The following STON2 variants were observed in gnomAD, a reference collection of about 807,000 sequenced individuals.
STON2 encodes the protein stonin 2.
A neutral mutation model predicts 65.7 loss-of-function variants in STON2; 29 were observed. The observed-to-expected ratio is 0.44, with a 90% confidence interval of 0.33 to 0.60. The LOEUF (loss-of-function observed/expected upper bound fraction) is 0.60. Among genes scored for constraint, STON2 ranks in the 20% least tolerant of loss-of-function variants. The pLI is 0.03. For missense variants in STON2, 1,054 were observed against 1,118.1 expected (o/e 0.94, Z 0.82); for synonymous variants, 404 against 414.2 (o/e 0.98, Z 0.30).
chr14:81,297,035 C>A (rs1209732295), intron 5 of STON2, among the ~76,000 whole-genome samples: 1 of 152,156 alleles, frequency 6.6e-6, no homozygotes, highest in African/African-American at 2.4e-5. Context: ...GATTCTCTAA[C>A]CCTACAGGGC....
At chr14:81,367,558 A>G (rs1318192111) in intron 4 of STON2, among the ~76,000 whole-genome samples, 2 of 152,112 alleles carry the variant, frequency 1.3e-5, no homozygotes, top group African/African-American at 2.4e-5. Flanking sequence ...TCATTCTCCT[A>G]AACTTTGTCT....
intron 4 of STON2, among the ~76,000 whole-genome samples, chr14:81,358,349 T>C (rs1898343085): frequency 6.6e-6 from 1 of 152,166 alleles, no homozygotes; most frequent in Admixed American, 6.5e-5. Context: ...GGCGATCTGA[T>C]GTATAAGATG....
intron 2 of STON2, chr14:81,413,046 C>T (rs1375621411): frequency 1.0e-6 from 1 of 998,768 alleles, no homozygotes; most frequent in African/African-American, 1.9e-5. Flanking sequence ...GAGTGCGCTC[C>T]TCAGGCGCTG....
At chr14:81,381,893 T>C (rs1899537938) in intron 3 of STON2, among the ~76,000 whole-genome samples, 1 of 152,068 alleles carries the variant, frequency 6.6e-6, no homozygotes, top group Admixed American at 6.6e-5. Flanking sequence ...AAGACAAAAA[T>C]AATGCTCATG....
intron 4 of STON2, among the ~76,000 whole-genome samples, chr14:81,362,576 G>T (rs1296736316): frequency 1.3e-5 from 2 of 152,094 alleles, no homozygotes; most frequent in Non-Finnish European, 2.9e-5. Flanking sequence ...ATATTACATG[G>T]TGTGATGAAT....
At chr14:81,321,894 G>A (rs150957404) in intron 5 of STON2, among the ~76,000 whole-genome samples, 2 of 152,264 alleles carry the variant, frequency 1.3e-5, no homozygotes, top group African/African-American at 4.8e-5. Context: ...GGACCATACA[G>A]GCGATCAAGG....
At position 81,305,353 on chromosome 14, in the gene STON2, AC is replaced by A. The variant is rs1896130699; in HGVS notation, c.742+18663del. On this transcript the variant is annotated intron_variant, in intron 5 of 7. Coordinates refer to ENST00000614646, the MANE Select transcript of STON2 (RefSeq NM_001394390.1). The stretch of plus-strand genomic sequence containing the variant: ...TGTGTATATGTGTTCTGGTTGTTCT[AC>A]ATTTTTACCAACACTGGATACTGCC... 2.6e-5 allele frequency among the ~76,000 whole-genome samples: 4 copies of A among 152,168 alleles called. No individual in the cohort carries two copies. In the South Asian group the frequency reaches 8.3e-4, roughly 31 times the overall value.
intron 5 of STON2, among the ~76,000 whole-genome samples, chr14:81,312,834 C>CGTAATCATA (rs764201554): frequency 5.3e-5 from 8 of 152,222 alleles, no homozygotes; most frequent in Non-Finnish European, 1.0e-4. Flanking sequence ...ATTCAGACCA[C>CGTAATCATA]TTTTTGTATG....
In STON2 at chr14:81,267,766, G is replaced by A. The variant is rs1175522141; in HGVS notation, c.*648C>T. On this transcript the variant is annotated 3_prime_UTR_variant, in exon 8 of 8. Transcript: ENST00000614646. ...TGTGCCTTTTTCCATTGTCTATTGT[G>A]ACTCAGGATAGCAAATCCTGTGACT... 2 of 985,218 alleles carry A rather than the reference G, an allele frequency of 2.0e-6. No individual in the cohort carries two copies. The highest frequency in any genetic ancestry group is 2.4e-6 in the Non-Finnish European group (2 of 829,920). 61.0% of individuals were successfully genotyped at this position (985,218 alleles called of 1,614,324 possible).
chr14:81,407,986 G>A (rs1221037154), intron 2 of STON2, among the ~76,000 whole-genome samples: 1 of 152,166 alleles, frequency 6.6e-6, no homozygotes, highest in Non-Finnish European at 1.5e-5. Context: ...AGAACAAAGA[G>A]AAGACTGGAA....
intron 2 of STON2, among the ~76,000 whole-genome samples, chr14:81,411,895 T>TTAGGACATGATCATCA: frequency 1.0e-5 from 1 of 98,046 alleles, no homozygotes; most frequent in South Asian, 3.7e-4. Context: ...ATACATAGAG[T>TTAGGACATGATCATCA]GACAGAAGAT....
Position 81,263,698 on chromosome 14 carries a change from G to GT in STON2, c.*4715dup, listed in dbSNP as rs2140081226. On this transcript the variant is annotated 3_prime_UTR_variant, in exon 8 of 8. Transcript: ENST00000614646. ...AAAAGATTGGACCTCCCTGACTAAGGTCTAGATATGCTGGAATTAACATAT... is the reference window on the plus strand; with the variant it reads ...AAAAGATTGGACCTCCCTGACTAAGGTTCTAGATATGCTGGAATTAACATAT... The GT allele has an allele frequency of 1.0e-6, 1 of 984,264 alleles. No individual in the cohort carries two copies. The highest frequency in any genetic ancestry group is 1.1e-4 in the East Asian group (1 of 8,808). 61.0% of individuals were successfully genotyped at this position (984,264 alleles called of 1,614,324 possible). A position where few individuals can be genotyped will look rare whatever the true frequency, so the allele number is the denominator to read the frequency against.
intron 3 of STON2, among the ~76,000 whole-genome samples, chr14:81,381,189 A>G (rs114308794): frequency 0.019 from 2,929 of 152,312 alleles, 114 homozygotes; most frequent in African/African-American, 0.068. Context: ...AGAAAAATCA[A>G]TTCTAGCTAG....
chr14:81,418,516 T>C (rs985330158), intron 2 of STON2, among the ~76,000 whole-genome samples: 9 of 152,152 alleles, frequency 5.9e-5, no homozygotes, highest in Admixed American at 2.0e-4. Context: ...TAAACCCAGA[T>C]TACAGTTTAA....
chr14:81,327,333 C>T (rs1308530063), intron 4 of STON2, among the ~76,000 whole-genome samples: 1 of 151,648 alleles, frequency 6.6e-6, no homozygotes, highest in Non-Finnish European at 1.5e-5. Context: ...ATTTTTCTTC[C>T]TTGCAATTTA....
At chr14:81,393,597 G>A (rs1242686120) in intron 3 of STON2, among the ~76,000 whole-genome samples, 1 of 152,146 alleles carries the variant, frequency 6.6e-6, no homozygotes, top group African/African-American at 2.4e-5. Context: ...GTGTAATATG[G>A]ATTAATATTA....
chr14:81,429,270 C>T (rs1214955297), intron 1 of STON2, among the ~76,000 whole-genome samples: 1 of 152,198 alleles, frequency 6.6e-6, no homozygotes, highest in Non-Finnish European at 1.5e-5. Flanking sequence ...CACCAAATGT[C>T]AGGGGAAGCA....
intron 4 of STON2, among the ~76,000 whole-genome samples, chr14:81,351,762 G>A (rs1467766883): frequency 1.3e-5 from 2 of 152,128 alleles, no homozygotes; most frequent in Non-Finnish European, 2.9e-5. Flanking sequence ...ATCTTGTCTG[G>A]ATACTGCCCT....
At chr14:81,404,637 G>A (rs1417913974), upstream of STON2, among the ~76,000 whole-genome samples, 2 of 152,064 alleles carry the variant, frequency 1.3e-5, no homozygotes, top group African/African-American at 4.8e-5. Flanking sequence ...CTGAGTAGCT[G>A]GGTCTATAAG....
Sources: allele counts gnomAD v4.1 joint callset (sites outside exome capture counted in the v4.1 genomes callset), GRCh38; gene constraint gnomAD v4.1.1; transcripts MANE v1.5; gene names NCBI Gene and HGNC (gene_info 2026-07-23, HGNC 2026-07-21).